RAI1: variants seen among roughly 807,000 people sequenced by gnomAD.
RAI1 encodes retinoic acid induced 1.
Under a neutral mutation model 123.8 loss-of-function variants are expected in RAI1, and 9 were observed. The observed-to-expected ratio is 0.07, with a 90% CI of 0.04 to 0.13. The LOEUF is 0.13. RAI1 is among the 10% of genes least tolerant of loss of function. The pLI, the probability that RAI1 is intolerant of heterozygous loss-of-function variation, is 1.00. For missense variants in RAI1, 2,256 were observed against 2,545.8 expected (o/e 0.89, Z 2.45); for synonymous variants, 1,231 against 1,127.3 (o/e 1.09, Z -1.84).
Position 17,792,960 on chromosome 17 carries a change from T to TCGA in RAI1, c.13_15dup (p.Arg5dup). On this transcript the variant is annotated inframe_insertion, in exon 3 of 6. Coordinates refer to ENST00000353383, the MANE Select transcript of RAI1 (RefSeq NM_030665.4). The stretch of plus-strand genomic sequence containing the variant: ...AACCAGCCCGAGTCATGCAGTCTTT[T>TCGA]CGAGAAAGGTGTGGTTTCCATGGCA... The TCGA allele has an allele frequency of 6.2e-7, 1 of 1,613,378 alleles. No homozygotes were observed. The highest frequency in any genetic ancestry group is 8.5e-7 in the Non-Finnish European group (1 of 1,179,572).
intron 4 of RAI1, 168 bp downstream of exon 4, chr17:17,804,017 G>A (rs376014014): frequency 1.6e-5 from 12 of 750,698 alleles, no homozygotes; most frequent in South Asian, 1.5e-4. Flanking sequence ...ACCTCTGCTG[G>A]GCAATGCCAG....
In RAI1 at chr17:17,809,867, CGCCTGG is replaced by C. The variant is rs1376863532; in HGVS notation, c.5710-101_5710-96del. The C allele has an allele frequency of 6.6e-7, 1 of 1,514,050 alleles. No homozygotes were observed. The highest frequency in any genetic ancestry group is 1.4e-5 in the African/African-American group (1 of 71,746). 93.8% of individuals were successfully genotyped at this position (1,514,050 alleles called of 1,614,324 possible). On this transcript the variant is annotated intron_variant, in intron 5 of 5. Transcript: ENST00000353383. This position sits in a 1 kb window ranked among gnomAD's most constrained non-coding sequence, Gnocchi z 4.9. ...GGAGACCCCAGCCGCGCTCTGGGGTCGCCTGGGTCTGGGGCTTAGGCGGGGGGCCCA... is the reference window on the plus strand; with the variant it reads ...GGAGACCCCAGCCGCGCTCTGGGGTCGTCTGGGGCTTAGGCGGGGGGCCCA...
chr17:17,809,561 G>T lies in RAI1; in HGVS notation c.5709+122G>T, dbSNP rs1394292720. The T allele has an allele frequency of 1.8e-6, 2 of 1,130,608 alleles. No individual in the cohort carries two copies. The highest frequency in any genetic ancestry group is 1.3e-5 in the South Asian group (1 of 78,168). The allele number at this position is 1,130,608 out of a possible 1,614,324, so 70.0% of individuals were successfully genotyped here. A position where few individuals can be genotyped will look rare whatever the true frequency, so the allele number is the denominator to read the frequency against. ...CGCAGCCCCGCAGGGCCCAGCCCTA[G>T]GGGAGGGAGCTCTCCCCGCCCACCC... On this transcript the variant is annotated intron_variant, in intron 5 of 5. Transcript: ENST00000353383. The surrounding 1 kb of genome is among the most constrained non-coding windows in gnomAD (Gnocchi z 4.9).
chr17:17,784,999 C>T (rs938846533), intron 2 of RAI1, among the ~76,000 whole-genome samples: 2 of 152,130 alleles, frequency 1.3e-5, no homozygotes, highest in Admixed American at 6.5e-5. Flanking sequence ...ATCACCTCCT[C>T]TCCCCACCCC....
intron 3 of RAI1, among the ~76,000 whole-genome samples, chr17:17,802,708 G>A (rs553841384): frequency 4.6e-5 from 7 of 151,890 alleles, no homozygotes; most frequent in South Asian, 2.1e-4. Context: ...CCCGGGAGGC[G>A]GAGCTTGCAG....
At chr17:17,706,191 C>T (rs751817679) in intron 1 of RAI1, among the ~76,000 whole-genome samples, 5 of 152,038 alleles carry the variant, frequency 3.3e-5, no homozygotes, top group African/African-American at 4.8e-5. Context: ...TGGGGTGGGG[C>T]GTCAGATTTG....
intron 1 of RAI1, among the ~76,000 whole-genome samples, chr17:17,709,337 C>T (rs140067182): frequency 3.9e-5 from 6 of 152,220 alleles, no homozygotes; most frequent in Admixed American, 2.6e-4. Flanking sequence ...GATACTCAGG[C>T]GGGCTCCTCT....
At chr17:17,733,326 T>C (rs1916328284) in intron 2 of RAI1, among the ~76,000 whole-genome samples, 1 of 152,220 alleles carries the variant, frequency 6.6e-6, no homozygotes. Flanking sequence ...GTGCACCAGA[T>C]GCGGGGCACT....
chr17:17,783,085 C>CA (rs1804544846), intron 2 of RAI1, among the ~76,000 whole-genome samples: 1 of 33,214 alleles, frequency 3.0e-5, no homozygotes. Context: ...GGCAGCCCCC[C>CA]GCGGTCCCCG....
intron 1 of RAI1, among the ~76,000 whole-genome samples, chr17:17,712,335 G>A (rs989651627): frequency 6.6e-6 from 1 of 152,212 alleles, no homozygotes; most frequent in African/African-American, 2.4e-5. Flanking sequence ...AACAGAGAGC[G>A]GCTGCAAGGC....
At chr17:17,807,493 C>T (rs2032617578) in intron 4 of RAI1, among the ~76,000 whole-genome samples, 1 of 152,252 alleles carries the variant, frequency 6.6e-6, no homozygotes, top group Non-Finnish European at 1.5e-5. Flanking sequence ...GAAGAGCAGG[C>T]AGAGGCTGCT....
At position 17,795,042 on chromosome 17, in the gene RAI1, C is replaced by A; in HGVS notation, c.2094C>A (p.Asp698Glu). The change falls in exon 3 of 6, where the codon GAC (aspartate) becomes GAA (glutamate). Residue 698 changes from aspartate to glutamate, a missense_variant. By Grantham distance (45) the Asp-to-Glu change is conservative. Around this residue, in one of 7 missense-constraint regions of RAI1, gnomAD observed 566 missense variants for 616.0 expected, o/e 0.92. Coordinates refer to ENST00000353383, the MANE Select transcript of RAI1 (RefSeq NM_030665.4). This position sits in a 1 kb window ranked among gnomAD's most constrained non-coding sequence, Gnocchi z 5.9. ...EDPSVAFATP[D>E]PKKTTGPLSF... ...CTTCCGTGGCCTTCGCTACGCCTGA[C>A]CCCAAAAAGACAACTGGTCCTCTCT... 1 of 1,614,140 alleles carries A rather than the reference C, an allele frequency of 6.2e-7. No individual in the cohort carries two copies. Among genetic ancestry groups the A allele is most frequent in the South Asian group, 1.1e-5 (1 of 91,088 alleles).
In RAI1 at chr17:17,693,177, G is replaced by A. The variant is rs181416941; in HGVS notation, c.-149+11384G>A. The stretch of plus-strand genomic sequence containing the variant: ...GGCATCCACCATGTGACGCCCCCGT[G>A]CAGCCTGTAAGCTCTCATCACAGTG... On this transcript the variant is annotated intron_variant, in intron 1 of 5. Transcript: ENST00000353383. Among the ~76,000 whole-genome samples, 27 of 152,366 alleles carry A rather than the reference G, an allele frequency of 1.8e-4. No homozygotes were observed. The East Asian group carries it at 4.6e-3, about 26-fold the overall frequency.
At chr17:17,735,555 C>A (rs1916407386) in intron 2 of RAI1, among the ~76,000 whole-genome samples, 2 of 151,904 alleles carry the variant, frequency 1.3e-5, no homozygotes, top group African/African-American at 4.8e-5. Context: ...CGGGGTTTCA[C>A]CATGTTGGTC....
intron 2 of RAI1, among the ~76,000 whole-genome samples, chr17:17,728,342 C>G (rs549358222): frequency 1.1e-4 from 17 of 152,220 alleles, no homozygotes; most frequent in Admixed American, 9.8e-4. Context: ...CTTAAAAGAC[C>G]GTCTTCCCTC....
intron 1 of RAI1, among the ~76,000 whole-genome samples, chr17:17,720,478 GTGGGTGC>G (rs1256583474): frequency 2.6e-5 from 4 of 152,208 alleles, no homozygotes; most frequent in African/African-American, 7.2e-5. Context: ...AGCAACATTT[GTGGGTGC>G]TGGGTGCTGG....
At chr17:17,788,725 TC>T (rs2031914652) in intron 2 of RAI1, among the ~76,000 whole-genome samples, 1 of 152,168 alleles carries the variant, frequency 6.6e-6, no homozygotes. Context: ...CCAGTCCGTT[TC>T]TTTCTCCCTC....
At chr17:17,774,914 A>G (rs1179174712) in intron 2 of RAI1, among the ~76,000 whole-genome samples, 1 of 152,126 alleles carries the variant, frequency 6.6e-6, no homozygotes, top group Non-Finnish European at 1.5e-5. Flanking sequence ...AAGCCCCCAC[A>G]GCAAGGCAGT....
chr17:17,693,013 GTATT>G (rs1248894081), intron 1 of RAI1, among the ~76,000 whole-genome samples: 3 of 152,232 alleles, frequency 2.0e-5, no homozygotes, highest in African/African-American at 7.2e-5. Context: ...TGGAATGCGG[GTATT>G]TATTTTTCTT....
Sources: allele counts gnomAD v4.1 joint callset (sites outside exome capture counted in the v4.1 genomes callset), GRCh38; gene constraint gnomAD v4.1.1; regional missense constraint gnomAD v4.1.1; non-coding constraint Gnocchi (gnomAD v3.1); transcripts MANE v1.5; gene names NCBI Gene and HGNC (gene_info 2026-07-23, HGNC 2026-07-21).